The following SH3BP1 variants were observed in gnomAD, a reference collection of about 807,000 sequenced individuals.
The protein encoded by SH3BP1 is SH3 domain-binding protein 1.
A neutral mutation model predicts 69.8 loss-of-function variants in SH3BP1; 46 were observed. That is an observed-to-expected ratio of 0.66 (90% CI 0.52 to 0.84). The LOEUF (loss-of-function observed/expected upper bound fraction) is 0.84, where lower values mean the gene tolerates loss of function less well. SH3BP1 is among the 40% of genes least tolerant of loss of function. The pLI is 0.00. For missense variants in SH3BP1, 868 were observed against 930.9 expected (o/e 0.93, Z 0.88); for synonymous variants, 403 against 378.0 (o/e 1.07, Z -0.77).
intron 1 of SH3BP1, among the ~76,000 whole-genome samples, chr22:37,640,191 A>G (rs1249898958): frequency 2.0e-5 from 3 of 152,056 alleles, no homozygotes; most frequent in African/African-American, 7.2e-5. Flanking sequence ...CCTCTGGACA[A>G]TGGGACAGTT....
Position 37,639,796 on chromosome 22 carries a change from G to A in SH3BP1, c.9G>A (p.Lys3=), listed in dbSNP as rs774013986. Residue 3 remains lysine, a synonymous_variant, in exon 1 of 18, where the codon AAG becomes AAA. Transcript: ENST00000649765. MM[K]RQLHRMRQLA... ...CCCAGCTCGCCCCCAAGATGATGAA[G>A]AGGCAGCTGCACCGCATGCGGCAGC... 4.2e-5 allele frequency: 65 copies of A among 1,555,076 alleles called. No individual in the cohort carries two copies. Among genetic ancestry groups the A allele is most frequent in the Middle Eastern group, 1.7e-4 (1 of 5,820 alleles).
chr22:37,643,409 A>T, intron 6 of SH3BP1: 3 of 664,432 alleles, frequency 4.5e-6, no homozygotes, highest in Non-Finnish European at 2.6e-6. Flanking sequence ...TCCTGTAAAC[A>T]GTCCTGCGGC....
At chr22:37,643,072 A>T in intron 5 of SH3BP1, 26 bp from the exon 6 acceptor site, 1 of 1,588,692 alleles carries the variant, frequency 6.3e-7, no homozygotes, top group Non-Finnish European at 8.6e-7. Flanking sequence ...CCCCCAGCAC[A>T]CTGACCCCCC....
At chr22:37,644,436 G>C (rs1340664305) in intron 7 of SH3BP1, among the ~76,000 whole-genome samples, 1 of 152,234 alleles carries the variant, frequency 6.6e-6, no homozygotes, top group Non-Finnish European at 1.5e-5. Flanking sequence ...CACAGAGATG[G>C]GGACGAGAAG....
intron 14 of SH3BP1, chr22:37,649,858 C>A: frequency 1.9e-6 from 1 of 515,382 alleles, no homozygotes; most frequent in Non-Finnish European, 3.6e-6. Context: ...ATTTACCTGG[C>A]CACAGATGGC....
In SH3BP1 at chr22:37,645,382, A is replaced by G. The variant is rs749525835; in HGVS notation, c.796A>G (p.Thr266Ala). The G allele has an allele frequency of 2.5e-6, 4 of 1,609,436 alleles. No individual in the cohort carries two copies. In the East Asian group the frequency reaches 8.9e-5, roughly 36 times the overall value. ...HGQADHSPSM[T>A]ATHFPRVYGV... Reference sequence around the variant, plus strand: ...CCCTGCAGACCACTCCCCTTCGATGACAGCCACCCACTTCCCCAGGGTGTA... The same window carrying G: ...CCCTGCAGACCACTCCCCTTCGATGGCAGCCACCCACTTCCCCAGGGTGTA... The change falls in exon 10 of 18, where the codon ACA becomes GCA. Residue 266 changes from threonine (T) to alanine (A), a missense_variant. Around this residue, in one of 3 missense-constraint regions of SH3BP1, gnomAD observed 387 missense variants for 447.9 expected, o/e 0.86. Transcript: ENST00000649765.
In SH3BP1 at chr22:37,653,915, C is replaced by T. The variant is rs199567013; in HGVS notation, c.1693+42C>T. ...AGGGGAGGAGGGGACAGAGGGTGGG[C>T]GGGGAGAGGGGACAGGCAGTCCCAG... On this transcript the variant is annotated intron_variant, in intron 17 of 17. Transcript: ENST00000649765. The T allele has an allele frequency of 9.7e-4, 433 of 444,228 alleles. 1 individual carries two copies. The highest frequency in any genetic ancestry group is 8.5e-3 in the African/African-American group (388 of 45,856). The allele number at this position is 444,228 out of a possible 1,614,324, so 27.5% of individuals were successfully genotyped here. A position where few individuals can be genotyped will look rare whatever the true frequency, so the allele number is the denominator to read the frequency against.
At chr22:37,643,302 G>A (rs1932678767) in intron 6 of SH3BP1, 128 bp downstream of exon 6, 1 of 827,540 alleles carries the variant, frequency 1.2e-6, no homozygotes, top group East Asian at 2.7e-5. Flanking sequence ...GTGTACTTGT[G>A]CACGCCTGGT....
rs750580039 is a variant in SH3BP1, at chr22:37,647,345, C to G, written c.1115C>G (p.Ala372Gly). The G allele has an allele frequency of 1.9e-6, 3 of 1,613,776 alleles. No individual in the cohort carries two copies. The highest frequency in any genetic ancestry group is 2.7e-5 in the African/African-American group (2 of 74,868). Residue 372 changes from alanine to glycine, a missense_variant, in exon 12 of 18, where the codon GCC (alanine) becomes GGC (glycine). Coordinates refer to ENST00000649765, the MANE Select transcript of SH3BP1 (RefSeq NM_018957.6). ...FDLYDDWMRAASLKEPGARLQ... is the reference protein window; with the variant it reads ...FDLYDDWMRAGSLKEPGARLQ... ...CTCTATGATGACTGGATGAGGGCAGCCAGGTGAGGATGTTGGAGGAGGGAG... is the reference window on the plus strand; with the variant it reads ...CTCTATGATGACTGGATGAGGGCAGGCAGGTGAGGATGTTGGAGGAGGGAG...
In SH3BP1 at chr22:37,645,487, C is replaced by G; in HGVS notation, c.901C>G (p.Leu301Val). Residue 301 changes from leucine to valine, a missense_variant, in exon 10 of 18, where the codon CTT becomes GTT. Transcript: ENST00000649765. ...LPIEACVMML[L>V]SEGMKEEGLF... is the part of the protein sequence containing the mutation. ...CATCGAGGCCTGCGTCATGATGCTG[C>G]TTTCTGAGGGCATGAAGGAAGAGGT... The G allele has an allele frequency of 6.2e-7, 1 of 1,612,892 alleles. No individual in the cohort carries two copies. The highest frequency in any genetic ancestry group is 8.5e-7 in the Non-Finnish European group (1 of 1,179,118).
In SH3BP1 at chr22:37,650,632, C is replaced by T. The variant is rs1225129948; in HGVS notation, c.1505C>T (p.Thr502Ile). ...CTGGCCTCTGAGGAACTTCCGTCCA[C>T]TGCCGTGCCCACCCCAGCCACCACC... ...DRLASEELPS[T>I]AVPTPATTPA... The change falls in exon 16 of 18, where the codon ACT becomes ATT. Residue 502 changes from threonine (T) to isoleucine (I), a missense_variant. Thr to Ile is a moderately conservative substitution (Grantham distance 89). Coordinates refer to ENST00000649765, the MANE Select transcript of SH3BP1 (RefSeq NM_018957.6). 1.2e-6 allele frequency: 2 copies of T among 1,613,906 alleles called. No individual in the cohort carries two copies. Among genetic ancestry groups the T allele is most frequent in the Non-Finnish European group, 8.5e-7 (1 of 1,180,044 alleles).
intron 16 of SH3BP1, among the ~76,000 whole-genome samples, chr22:37,651,893 G>A (rs970094586): frequency 6.6e-6 from 1 of 151,808 alleles, no homozygotes; most frequent in African/African-American, 2.4e-5. Context: ...GAGCGTGGGG[G>A]CTACTTTAGC....
intron 14 of SH3BP1, 61 bp downstream of exon 14, chr22:37,648,496 G>A (rs1932822197): frequency 8.6e-7 from 1 of 1,164,220 alleles, no homozygotes; most frequent in Non-Finnish European, 1.3e-6. Flanking sequence ...CCAACTATCT[G>A]TTGTCTATTT....
intron 15 of SH3BP1, 84 bp downstream of exon 15, chr22:37,650,333 TAAG>T: frequency 3.9e-6 from 6 of 1,523,554 alleles, no homozygotes; most frequent in Non-Finnish European, 5.3e-6. Context: ...AAACTCACCA[TAAG>T]TCCAGGAGGA....
At chr22:37,642,851 T>C in intron 4 of SH3BP1, 44 bp from the exon 5 acceptor site, 1 of 1,598,030 alleles carries the variant, frequency 6.3e-7, no homozygotes, top group Non-Finnish European at 8.5e-7. Context: ...CCAGTGGAGG[T>C]GAGGGCAGCG....
Position 37,655,731 on chromosome 22 carries a change from A to C in SH3BP1, c.*47A>C. The C allele has an allele frequency of 1.5e-6, 2 of 1,343,186 alleles. No individual in the cohort carries two copies. 83.2% of individuals were successfully genotyped at this position (1,343,186 alleles called of 1,614,324 possible). ...AGCCCTCAGCACCCCCTCCCTCCCCACCTGGCCCTCCCAGGACAGCTCTCG... is the reference window on the plus strand; with the variant it reads ...AGCCCTCAGCACCCCCTCCCTCCCCCCCTGGCCCTCCCAGGACAGCTCTCG... On this transcript the variant is annotated 3_prime_UTR_variant, in exon 18 of 18. Coordinates refer to ENST00000649765, the MANE Select transcript of SH3BP1 (RefSeq NM_018957.6).
intron 3 of SH3BP1, 84 bp from the exon 4 acceptor site, chr22:37,642,455 C>T: frequency 7.0e-7 from 1 of 1,427,590 alleles, no homozygotes; most frequent in Non-Finnish European, 9.8e-7. Flanking sequence ...GTTCCCTCCT[C>T]CCCTGCCCCA....
chr22:37,651,939 G>A (rs542184439), intron 16 of SH3BP1, among the ~76,000 whole-genome samples: 9 of 152,070 alleles, frequency 5.9e-5, no homozygotes, highest in East Asian at 3.9e-4. Flanking sequence ...AGGAAGAAAC[G>A]ACCAAGCAGA....
At position 37,642,891 on chromosome 22, in the gene SH3BP1, A is replaced by G; in HGVS notation, c.285-4A>G. On this transcript the variant is annotated splice_region_variant and splice_polypyrimidine_tract_variant and intron_variant, in intron 4 of 17. Transcript: ENST00000649765. ...CCTGGACCCATGGGGTGCCGTGTCC[A>G]CAGGAAGGCCTTGGAGATGAGCTGT... is the stretch of plus-strand genomic sequence containing the variant. 1 of 1,612,194 alleles carries G rather than the reference A, an allele frequency of 6.2e-7. No homozygotes were observed. Among genetic ancestry groups the G allele is most frequent in the Non-Finnish European group, 8.5e-7 (1 of 1,179,798 alleles).
Sources: gnomAD v4.1 joint callset for allele counts (sites outside exome capture counted in the v4.1 genomes callset) on GRCh38, gnomAD v4.1.1 for gene constraint, gnomAD v4.1.1 regional missense constraint, MANE v1.5 for transcripts, NCBI Gene and HGNC (gene_info 2026-07-23, HGNC 2026-07-21) for gene names.